The following UNC5B variants were observed in gnomAD, a reference collection of about 807,000 sequenced individuals.
UNC5B encodes unc-5 netrin receptor B, also known as netrin receptor UNC5B.
In UNC5B, 56 loss-of-function variants were observed where a neutral mutation model predicts 103.7. The observed-to-expected ratio is 0.54, with a 90% CI of 0.44 to 0.67. The LOEUF is 0.67. Among genes scored for constraint, UNC5B ranks in the 30% least tolerant of loss-of-function variants. The pLI, the probability that UNC5B is intolerant of heterozygous loss-of-function variation, is 0.00. For synonymous variants in UNC5B, 577 were observed against 542.0 expected, an observed-to-expected ratio of 1.06 and a Z score of -0.90; for missense variants, 1,194 against 1,284.5, an observed-to-expected ratio of 0.93 and a Z score of 1.08.
intron 1 of UNC5B, among the ~76,000 whole-genome samples, chr10:71,257,162 T>C (rs1323717182): frequency 6.6e-6 from 1 of 152,160 alleles, no homozygotes; most frequent in African/African-American, 2.4e-5. Flanking sequence ...AGGTGCTTCC[T>C]GGGGCTCTGC....
In UNC5B at chr10:71,219,208, A is replaced by G. The variant is rs181587108; in HGVS notation, c.79+6144A>G. Among the ~76,000 whole-genome samples, 570 of 152,074 alleles carry G rather than the reference A, an allele frequency of 3.7e-3. 6 individuals are homozygous for G. The highest frequency in any genetic ancestry group is 0.013 in the African/African-American group (535 of 41,476). ...ACTCACCGAGAAGGTGGAAGCTCTC[A>G]CTTAGAAGGCTGAAGAGACAGGACT... is the stretch of plus-strand genomic sequence containing the variant. On this transcript the variant is annotated intron_variant, in intron 1 of 16. Coordinates refer to ENST00000335350, the MANE Select transcript of UNC5B (RefSeq NM_170744.5).
chr10:71,252,172 G>A (rs1844188783), intron 1 of UNC5B, among the ~76,000 whole-genome samples: 1 of 152,206 alleles, frequency 6.6e-6, no homozygotes. Context: ...TCCCTATATA[G>A]TTGATCATTC....
intron 1 of UNC5B, among the ~76,000 whole-genome samples, chr10:71,255,202 T>C (rs1844262842): frequency 1.3e-5 from 2 of 152,234 alleles, no homozygotes; most frequent in African/African-American, 4.8e-5. Flanking sequence ...TTGTTGGGTA[T>C]CTTACTCTGG....
chr10:71,251,172 T>C (rs1264455667), intron 1 of UNC5B, among the ~76,000 whole-genome samples: 1 of 152,198 alleles, frequency 6.6e-6, no homozygotes, highest in Non-Finnish European at 1.5e-5. Flanking sequence ...TGTCAGAGGT[T>C]ACCCCGCTGC....
chr10:71,240,769 T>C (rs1419330484), intron 1 of UNC5B, among the ~76,000 whole-genome samples: 1 of 152,232 alleles, frequency 6.6e-6, no homozygotes, highest in African/African-American at 2.4e-5. Flanking sequence ...TTTCTGGCTG[T>C]CCATCTGTCT....
intron 1 of UNC5B, among the ~76,000 whole-genome samples, chr10:71,254,962 A>G (rs1278411374): frequency 1.3e-5 from 2 of 152,238 alleles, no homozygotes; most frequent in African/African-American, 4.8e-5. Context: ...AATCCCACCC[A>G]GACACAACTA....
At chr10:71,266,509 G>A (rs1472712844) in intron 1 of UNC5B, among the ~76,000 whole-genome samples, 1 of 152,166 alleles carries the variant, frequency 6.6e-6, no homozygotes, top group Non-Finnish European at 1.5e-5. Context: ...ACAAGCAGGC[G>A]GGAGCAGGGA....
intron 1 of UNC5B, among the ~76,000 whole-genome samples, chr10:71,227,637 T>C (rs1352245033): frequency 1.4e-5 from 2 of 141,430 alleles, no homozygotes; most frequent in African/African-American, 5.5e-5. Context: ...TACATATATA[T>C]ACACATATAC....
rs952326226 is a variant in UNC5B, at chr10:71,213,969, C to T, written c.79+905C>T. Among the ~76,000 whole-genome samples the T allele has an allele frequency of 3.2e-4, 48 of 151,930 alleles. No individual in the cohort carries two copies. Among genetic ancestry groups the T allele is most frequent in the Non-Finnish European group, 5.7e-4 (39 of 67,996 alleles). Reference sequence around the variant, plus strand: ...TCGCCGTGGATGAATACGTTTCTCGCTCGTCCTGTAGCTGGACCCGGCGTC... The same window carrying T: ...TCGCCGTGGATGAATACGTTTCTCGTTCGTCCTGTAGCTGGACCCGGCGTC... On this transcript the variant is annotated intron_variant, in intron 1 of 16. Transcript: ENST00000335350. This position sits in a 1 kb window ranked among gnomAD's most constrained non-coding sequence, Gnocchi z 4.1.
At chr10:71,229,459 CT>C (rs1843639044) in intron 1 of UNC5B, among the ~76,000 whole-genome samples, 1 of 152,246 alleles carries the variant, frequency 6.6e-6, no homozygotes, top group African/African-American at 2.4e-5. Context: ...TCCTCCGCCC[CT>C]GCCCCTGGAT....
At chr10:71,269,618 C>T (rs909679328) in intron 1 of UNC5B, among the ~76,000 whole-genome samples, 47 of 152,220 alleles carry the variant, frequency 3.1e-4, no homozygotes, top group African/African-American at 1.0e-3. Context: ...CTCCACCTGC[C>T]ACCCCAGTGC....
intron 1 of UNC5B, among the ~76,000 whole-genome samples, chr10:71,240,487 C>T (rs1564712050): frequency 6.6e-6 from 1 of 152,264 alleles, no homozygotes; most frequent in East Asian, 1.9e-4. Flanking sequence ...GCCGTGGGCA[C>T]AGGGCCAGCA....
At chr10:71,297,312 G>A (rs982648225) in intron 15 of UNC5B, among the ~76,000 whole-genome samples, 1 of 152,264 alleles carries the variant, frequency 6.6e-6, no homozygotes, top group African/African-American at 2.4e-5. Flanking sequence ...CCACCTGGGA[G>A]GTGAGAAAGT....
At chr10:71,276,023 T>C (rs4747145) in intron 1 of UNC5B, among the ~76,000 whole-genome samples, 152,259 of 152,264 alleles carry the variant, frequency 1, 76,127 homozygotes, top group Non-Finnish European at 1. Context: ...CACACATCCC[T>C]GTTCGTAAGT....
intron 1 of UNC5B, among the ~76,000 whole-genome samples, chr10:71,252,657 C>CA (rs1844199640): frequency 6.6e-6 from 1 of 152,226 alleles, no homozygotes; most frequent in Non-Finnish European, 1.5e-5. Flanking sequence ...AGGTAGGCAT[C>CA]ATTTCTCCCA....
rs1467022568 is a variant in UNC5B, at chr10:71,212,934, G to C, written c.-52G>C. On this transcript the variant is annotated 5_prime_UTR_variant, in exon 1 of 17. Transcript: ENST00000335350. ...GGCGGAGACGGCGGCGGCGAGACTG[G>C]GGCCAGGGAGACAGCCCTGGGGGAG... The C allele has an allele frequency of 1.6e-6, 2 of 1,239,778 alleles. No homozygotes were observed. The allele number at this position is 1,239,778 out of a possible 1,614,324, so 76.8% of individuals were successfully genotyped here. A position where few individuals can be genotyped will look rare whatever the true frequency, so the allele number is the denominator to read the frequency against.
rs12783269 is a variant in UNC5B, at chr10:71,296,727, T to C, written c.2475T>C (p.His825=). The C allele has an allele frequency of 0.026, 40,446 of 1,566,568 alleles. 698 individuals are homozygous for C. Among genetic ancestry groups the C allele is most frequent in the African/African-American group, 0.047 (3,122 of 66,502 alleles). Reference sequence around the variant, plus strand: ...GGGAGGGCCAGATATTCCAGCTGCATACCACTCTGGCAGAGGTGAGGGAAG... The same window carrying C: ...GGGAGGGCCAGATATTCCAGCTGCACACCACTCTGGCAGAGGTGAGGGAAG... ...VEGEGQIFQL[H]TTLAETPAGS... The change falls in exon 15 of 17, where the codon CAT becomes CAC. Residue 825 remains histidine (H), a synonymous_variant. Transcript: ENST00000335350.
intron 1 of UNC5B, among the ~76,000 whole-genome samples, chr10:71,233,049 G>A (rs1182182658): frequency 1.3e-5 from 2 of 152,206 alleles, no homozygotes; most frequent in Non-Finnish European, 2.9e-5. Flanking sequence ...AATGTGGTCT[G>A]CAGTATTTCT....
intron 1 of UNC5B, among the ~76,000 whole-genome samples, chr10:71,276,636 G>C (rs1844778093): frequency 6.6e-6 from 1 of 152,184 alleles, no homozygotes; most frequent in South Asian, 2.1e-4. Flanking sequence ...GTTCCACCGC[G>C]ATGGCCTGGC....
Sources: gnomAD v4.1 joint callset for allele counts (sites outside exome capture counted in the v4.1 genomes callset) on GRCh38, gnomAD v4.1.1 for gene constraint, Gnocchi (gnomAD v3.1) non-coding constraint, MANE v1.5 for transcripts, NCBI Gene and HGNC (gene_info 2026-07-23, HGNC 2026-07-21) for gene names.